The following GRID1 variants were observed in gnomAD, a reference collection of about 807,000 sequenced individuals.
GRID1 encodes glutamate ionotropic receptor delta type subunit 1, also known as glutamate receptor ionotropic, delta-1.
Under a neutral mutation model 98.0 loss-of-function variants are expected in GRID1, and 28 were observed. The observed-to-expected ratio is 0.29, with a 90% CI of 0.21 to 0.39. The LOEUF (loss-of-function observed/expected upper bound fraction) is 0.39. GRID1 is among the 10% of genes least tolerant of loss of function. GRID1 has a pLI of 1.00. For synonymous variants in GRID1, 553 were observed against 538.5 expected (o/e 1.03, Z -0.37); for missense variants, 1,111 against 1,340.5 (o/e 0.83, Z 2.67).
intron 4 of GRID1, among the ~76,000 whole-genome samples, chr10:85,960,970 G>T (rs1397627830): frequency 2.0e-5 from 3 of 152,034 alleles, no homozygotes; most frequent in Admixed American, 1.3e-4. Context: ...CACAGAGAGA[G>T]GCTCGGTGGT....
chr10:85,986,275 G>A (rs1033032654), intron 4 of GRID1, among the ~76,000 whole-genome samples: 8 of 152,188 alleles, frequency 5.3e-5, no homozygotes, highest in East Asian at 1.9e-4. Flanking sequence ...GTCTCAGACC[G>A]CTTTTGTCTT....
chr10:85,674,216 A>G (rs1359837273), intron 12 of GRID1, among the ~76,000 whole-genome samples: 1 of 152,152 alleles, frequency 6.6e-6, no homozygotes, highest in African/African-American at 2.4e-5. Context: ...GACTTGCCCA[A>G]GAGTTACAAA....
At chr10:86,208,332 GC>G (rs1846063775) in intron 2 of GRID1, among the ~76,000 whole-genome samples, 1 of 152,086 alleles carries the variant, frequency 6.6e-6, no homozygotes, top group Non-Finnish European at 1.5e-5. Flanking sequence ...TCCCCCAGAT[GC>G]CCTGGCCCCC....
intron 8 of GRID1, among the ~76,000 whole-genome samples, chr10:85,809,874 GC>G (rs776871692): frequency 6.6e-6 from 1 of 152,112 alleles, no homozygotes; most frequent in Non-Finnish European, 1.5e-5. Flanking sequence ...TGCCACTATA[GC>G]CCCCCTGTAG....
chr10:86,044,086 C>T (rs1404377914), intron 4 of GRID1, among the ~76,000 whole-genome samples: 1 of 152,166 alleles, frequency 6.6e-6, no homozygotes, highest in Non-Finnish European at 1.5e-5. Flanking sequence ...TTTTACCAAG[C>T]CCCCACACAG....
chr10:86,027,646 G>A (rs1407033154), intron 4 of GRID1, among the ~76,000 whole-genome samples: 1 of 152,134 alleles, frequency 6.6e-6, no homozygotes, highest in Non-Finnish European at 1.5e-5. Flanking sequence ...TCCTGCTTAG[G>A]GAGTCTGCAG....
chr10:86,340,210 G>A (rs1896520), intron 2 of GRID1, among the ~76,000 whole-genome samples: 145,475 of 152,226 alleles, frequency 0.96, 69,625 homozygotes, highest in East Asian at 1. Flanking sequence ...ACACTCAGAC[G>A]CCCAGCTGAG....
chr10:86,356,166 T>C (rs1351748740), intron 2 of GRID1, among the ~76,000 whole-genome samples: 1 of 152,122 alleles, frequency 6.6e-6, no homozygotes, highest in Non-Finnish European at 1.5e-5. Flanking sequence ...CCAGGCTTCC[T>C]AACTTCCCAG....
At position 86,170,987 on chromosome 10, in the gene GRID1, G is replaced by A. The variant is rs572868039; in HGVS notation, c.521-31963C>T. 4.0e-5 allele frequency among the ~76,000 whole-genome samples: 6 copies of A among 151,406 alleles called. No individual in the cohort carries two copies. In the South Asian group the frequency reaches 1.0e-3, roughly 26 times the overall value. On this transcript the variant is annotated intron_variant, in intron 3 of 15. Transcript: ENST00000327946. ...TTCTGCTTTTCCCTGCCTTCAGACC[G>A]CCACCACCCGTTCAGCGTGACTTCC...
At chr10:86,307,390 T>C (rs1020586323) in intron 2 of GRID1, among the ~76,000 whole-genome samples, 1 of 152,178 alleles carries the variant, frequency 6.6e-6, no homozygotes, top group African/African-American at 2.4e-5. Context: ...CCATTTGCAA[T>C]AACATGGGTG....
At position 85,989,990 on chromosome 10, in the gene GRID1, C is replaced by T. The variant is rs115968556; in HGVS notation, c.727-73751G>A. Reference sequence around the variant, plus strand: ...TGTGAAATTACAGCAAAAAGACAGCCGCCTGTGAACCAGGAAGCAAGCCCT... The same window carrying T: ...TGTGAAATTACAGCAAAAAGACAGCTGCCTGTGAACCAGGAAGCAAGCCCT... On this transcript the variant is annotated intron_variant, in intron 4 of 15. Transcript: ENST00000327946. 5.4e-3 allele frequency among the ~76,000 whole-genome samples: 820 copies of T among 152,228 alleles called. 10 individuals are homozygous for T. The highest frequency in any genetic ancestry group is 0.019 in the African/African-American group (770 of 41,546).
At chr10:86,169,940 C>A (rs140763585) in intron 3 of GRID1, among the ~76,000 whole-genome samples, 1,820 of 152,336 alleles carry the variant, frequency 0.012, 11 homozygotes, top group Non-Finnish European at 0.017. Context: ...AGCTGGAGCT[C>A]TCAGAGGCCA....
At chr10:86,131,128 T>C (rs1844830082) in intron 4 of GRID1, among the ~76,000 whole-genome samples, 1 of 152,140 alleles carries the variant, frequency 6.6e-6, no homozygotes, top group South Asian at 2.1e-4. Flanking sequence ...GATAAATTCA[T>C]ACCAATTTAG....
At chr10:86,304,365 T>C (rs1200900174) in intron 2 of GRID1, among the ~76,000 whole-genome samples, 1 of 152,234 alleles carries the variant, frequency 6.6e-6, no homozygotes, top group Non-Finnish European at 1.5e-5. Context: ...ATGCTCCACA[T>C]GTCCCACCCT....
chr10:85,713,695 A>C (rs1841606683), intron 12 of GRID1, among the ~76,000 whole-genome samples: 1 of 151,734 alleles, frequency 6.6e-6, no homozygotes, highest in Non-Finnish European at 1.5e-5. Context: ...AGAATGGCTT[A>C]ACATACAAAA....
intron 4 of GRID1, among the ~76,000 whole-genome samples, chr10:86,059,691 G>C (rs567872178): frequency 6.6e-6 from 1 of 152,196 alleles, no homozygotes. Flanking sequence ...ATGCTCATAA[G>C]AGTTTGCTTG....
At chr10:85,779,318 A>G (rs1842361401) in intron 8 of GRID1, among the ~76,000 whole-genome samples, 1 of 152,124 alleles carries the variant, frequency 6.6e-6, no homozygotes, top group Non-Finnish European at 1.5e-5. Context: ...TACTGGAAAA[A>G]TCCAAAACCT....
chr10:86,332,186 A>G (rs1848153287), intron 2 of GRID1, among the ~76,000 whole-genome samples: 1 of 152,294 alleles, frequency 6.6e-6, no homozygotes, highest in African/African-American at 2.4e-5. Context: ...CTCCACCCCC[A>G]TGGCTGGATT....
At chr10:86,264,760 CG>C in intron 2 of GRID1, 1 of 494,394 alleles carries the variant, frequency 2.0e-6, no homozygotes, top group South Asian at 1.5e-5. Flanking sequence ...GGCAGGCATG[CG>C]GGCAGACAGA....
Sources: gnomAD v4.1 joint callset for allele counts (sites outside exome capture counted in the v4.1 genomes callset) on GRCh38, gnomAD v4.1.1 for gene constraint, MANE v1.5 for transcripts, NCBI Gene and HGNC (gene_info 2026-07-23, HGNC 2026-07-21) for gene names.